PDE4D: variants seen among roughly 807,000 people sequenced by gnomAD.
PDE4D encodes phosphodiesterase 4D, also known as 3',5'-cyclic-AMP phosphodiesterase 4D.
PDE4D carries 24 observed loss-of-function variants against 87.4 expected under a neutral mutation model. The ratio of observed to expected loss-of-function variants is 0.27; its 90% CI spans 0.20 to 0.39. The LOEUF (loss-of-function observed/expected upper bound fraction) is 0.39. PDE4D is among the 10% of genes least tolerant of loss of function. PDE4D has a pLI of 1.00. For synonymous variants in PDE4D, 384 were observed against 383.2 expected, an observed-to-expected ratio of 1.00 and a Z score of -0.02; for missense variants, 714 against 1,041.0, an observed-to-expected ratio of 0.69 and a Z score of 4.32.
chr5:59,444,551 G>A (rs1360733707), intron 1 of PDE4D, among the ~76,000 whole-genome samples: 1 of 152,138 alleles, frequency 6.6e-6, no homozygotes, highest in Non-Finnish European at 1.5e-5. Flanking sequence ...GGTGGCTCAC[G>A]CCTGTAATCT....
At chr5:59,226,564 T>A (rs1450519432) in intron 1 of PDE4D, among the ~76,000 whole-genome samples, 1 of 152,202 alleles carries the variant, frequency 6.6e-6, no homozygotes, top group African/African-American at 2.4e-5. Flanking sequence ...TCTAGAGATA[T>A]GCTGTACAAC....
chr5:59,349,709 T>G (rs1396289461), intron 1 of PDE4D, among the ~76,000 whole-genome samples: 1 of 152,212 alleles, frequency 6.6e-6, no homozygotes, highest in Non-Finnish European at 1.5e-5. Flanking sequence ...ATCCACAGCA[T>G]GATTATAAAC....
At chr5:59,813,305 G>T (rs567063148) in intron 1 of PDE4D, among the ~76,000 whole-genome samples, 22 of 152,124 alleles carry the variant, frequency 1.4e-4, no homozygotes, top group Non-Finnish European at 2.6e-4. Context: ...CGTCTTTGAG[G>T]CACTGACTGC....
chr5:60,363,973 A>G (rs538567144), intron 1 of PDE4D, among the ~76,000 whole-genome samples: 3 of 152,356 alleles, frequency 2.0e-5, no homozygotes, highest in Admixed American at 1.3e-4. Flanking sequence ...CTTGAACTAC[A>G]TGGGCTGGCC....
chr5:60,325,249 T>C (rs755985615), intron 1 of PDE4D, among the ~76,000 whole-genome samples: 3 of 152,192 alleles, frequency 2.0e-5, no homozygotes, highest in Non-Finnish European at 4.4e-5. Flanking sequence ...CAGGTTCTTC[T>C]GGGACAGAAG....
chr5:59,247,108 T>C (rs980023403), intron 1 of PDE4D, among the ~76,000 whole-genome samples: 3 of 152,202 alleles, frequency 2.0e-5, no homozygotes, highest in Non-Finnish European at 4.4e-5. Flanking sequence ...GATCTCATTT[T>C]ATCTCAACAG....
intron 1 of PDE4D, among the ~76,000 whole-genome samples, chr5:59,532,901 C>T (rs1458389019): frequency 6.6e-6 from 1 of 152,118 alleles, no homozygotes; most frequent in African/African-American, 2.4e-5. Context: ...AGTCTTCAGA[C>T]CTCAGTCTAG....
At chr5:59,458,575 G>A (rs1166404790) in intron 1 of PDE4D, among the ~76,000 whole-genome samples, 1 of 152,134 alleles carries the variant, frequency 6.6e-6, no homozygotes, top group Non-Finnish European at 1.5e-5. Flanking sequence ...TTCTATCGTT[G>A]TTGAACTGCT....
intron 1 of PDE4D, among the ~76,000 whole-genome samples, chr5:59,770,505 AAAG>A (rs1204135211): frequency 6.6e-6 from 1 of 152,226 alleles, no homozygotes; most frequent in Non-Finnish European, 1.5e-5. Flanking sequence ...GAAAGAAAAG[AAAG>A]AAGTGCACTT....
exon 3 of PDE4D, chr5:59,988,524 A>C (rs1434332265): frequency 6.3e-7 from 1 of 1,599,080 alleles, no homozygotes; most frequent in African/African-American, 1.3e-5. Flanking sequence ...AATCAGCGGC[A>C]GAATCTTCAG....
At chr5:59,184,895 C>T (rs1742532518) in intron 4 of PDE4D, among the ~76,000 whole-genome samples, 1 of 152,034 alleles carries the variant, frequency 6.6e-6, no homozygotes, top group Non-Finnish European at 1.5e-5. Flanking sequence ...ATGAAGTAAG[C>T]CGAAACTATA....
chr5:59,719,959 G>T (rs1018193990), intron 1 of PDE4D, among the ~76,000 whole-genome samples: 2 of 152,024 alleles, frequency 1.3e-5, no homozygotes. Flanking sequence ...CACTCAACTG[G>T]TATTTTTCCC....
intron 2 of PDE4D, among the ~76,000 whole-genome samples, chr5:60,162,714 C>A (rs1782563066): frequency 6.6e-6 from 1 of 151,924 alleles, no homozygotes; most frequent in African/African-American, 2.4e-5. Flanking sequence ...AGCAATCATT[C>A]CTGATTATGT....
chr5:60,167,479 A>G (rs993845856), intron 2 of PDE4D, among the ~76,000 whole-genome samples: 1 of 151,810 alleles, frequency 6.6e-6, no homozygotes, highest in African/African-American at 2.4e-5. Flanking sequence ...CGTGTTAGCC[A>G]GGATGGTCTC....
chr5:59,188,675 G>A (rs898075966), intron 3 of PDE4D, among the ~76,000 whole-genome samples: 1 of 152,150 alleles, frequency 6.6e-6, no homozygotes, highest in Non-Finnish European at 1.5e-5. Context: ...CGGAGGAAGC[G>A]GCGACCCGCA....
chr5:59,278,065 AT>A (rs1765157458), intron 1 of PDE4D, among the ~76,000 whole-genome samples: 1 of 152,136 alleles, frequency 6.6e-6, no homozygotes, highest in Non-Finnish European at 1.5e-5. Context: ...AAGATGCGCT[AT>A]GTTGTAAGAC....
intron 1 of PDE4D, among the ~76,000 whole-genome samples, chr5:59,259,933 A>T (rs1217864823): frequency 6.6e-6 from 1 of 151,804 alleles, no homozygotes; most frequent in Non-Finnish European, 1.5e-5. Flanking sequence ...TAAATTAGAA[A>T]CTGTGAGGAT....
At chr5:60,075,926 T>A (rs747082002) in intron 2 of PDE4D, among the ~76,000 whole-genome samples, 1 of 152,174 alleles carries the variant, frequency 6.6e-6, no homozygotes, top group South Asian at 2.1e-4. Flanking sequence ...TTATTGTGAT[T>A]CCTAGCTTCC....
intron 2 of PDE4D, among the ~76,000 whole-genome samples, chr5:59,999,834 A>C (rs1763865590): frequency 6.6e-6 from 1 of 152,100 alleles, no homozygotes; most frequent in Non-Finnish European, 1.5e-5. Context: ...CAGACAGAAA[A>C]CTAAATGAAA....
Sources: gnomAD v4.1 joint callset for allele counts (sites outside exome capture counted in the v4.1 genomes callset) on GRCh38, gnomAD v4.1.1 for gene constraint, MANE v1.5 for transcripts, NCBI Gene and HGNC (gene_info 2026-07-23, HGNC 2026-07-21) for gene names.